Variants in ADAM7 observed in about 807,000 individuals in gnomAD.
ADAM7 encodes the protein disintegrin and metalloproteinase domain-containing protein 7.
ADAM7 carries 97 observed loss-of-function variants against 102.9 expected under a neutral mutation model. The observed-to-expected ratio is 0.94, with a 90% CI of 0.80 to 1.12. ADAM7 has a LOEUF of 1.12. Ranked by LOEUF, ADAM7 falls within the 50% of genes most tolerant of loss-of-function variation. The probability of loss-of-function intolerance (pLI) is 0.00; values close to 1 mark genes in which losing one functional copy is unlikely to be tolerated. For synonymous variants in ADAM7, 334 were observed against 304.4 expected (o/e 1.10, Z -1.01); for missense variants, 991 against 908.7 (o/e 1.09, Z -1.16).
chr8:24,496,190 C>G (rs1820546067), intron 16 of ADAM7, among the ~76,000 whole-genome samples: 1 of 152,170 alleles, frequency 6.6e-6, no homozygotes, highest in Non-Finnish European at 1.5e-5. Flanking sequence ...GCCTTGGCAG[C>G]CTTCATGTGG....
chr8:24,485,522 T>C (rs1430136476), intron 10 of ADAM7, among the ~76,000 whole-genome samples, 161 bp downstream of exon 10: 2 of 152,206 alleles, frequency 1.3e-5, no homozygotes, highest in South Asian at 4.1e-4. Context: ...TGAATAAAAA[T>C]GTTTTATTGA....
chr8:24,489,023 G>A (rs188902347), intron 11 of ADAM7, 136 bp from the exon 12 acceptor site: 3 of 692,596 alleles, frequency 4.3e-6, no homozygotes, highest in Non-Finnish European at 2.2e-6. Context: ...CTATAATAAA[G>A]GACCCAGTTA....
At chr8:24,465,617 C>A (rs1819398235) in intron 4 of ADAM7, 82 bp from the exon 5 acceptor site, 2 of 775,044 alleles carry the variant, frequency 2.6e-6, no homozygotes, top group African/African-American at 1.8e-5. Flanking sequence ...TTGATATATT[C>A]TGAACAGAAA....
intron 3 of ADAM7, among the ~76,000 whole-genome samples, chr8:24,457,520 C>T (rs1819080267): frequency 6.6e-6 from 1 of 152,084 alleles, no homozygotes; most frequent in African/African-American, 2.4e-5. Flanking sequence ...AGGCAATCCA[C>T]CCGCCTTGGC....
chr8:24,469,383 G>C lies in ADAM7; in HGVS notation c.633+563G>C, dbSNP rs553052990. On this transcript the variant is annotated intron_variant, in intron 7 of 21. Transcript: ENST00000175238. ...AAGGGAAATTTTCTGTCTGCCTATA[G>C]CCATGAGCAGGTAAAATGTTACACA... 6.6e-5 allele frequency among the ~76,000 whole-genome samples: 10 copies of C among 152,254 alleles called. No homozygotes were observed. The South Asian group carries it at 1.7e-3, about 25-fold the overall frequency.
At chr8:24,450,412 T>A (rs1179271981) in intron 3 of ADAM7, among the ~76,000 whole-genome samples, 12 of 152,126 alleles carry the variant, frequency 7.9e-5, no homozygotes, top group African/African-American at 2.2e-4. Context: ...CTTTGAAGCA[T>A]TTGTGAATGG....
chr8:24,508,580 G>C lies in ADAM7; in HGVS notation c.*34G>C. ...TTGGATATCCAAAATGGCCGTGCAA[G>C]CTTAGGCTGGGGATTCTGGATGCAA... On this transcript the variant is annotated 3_prime_UTR_variant, in exon 22 of 22. Coordinates refer to ENST00000175238, the MANE Select transcript of ADAM7 (RefSeq NM_003817.4). 2.5e-6 allele frequency: 4 copies of C among 1,613,366 alleles called. No homozygotes were observed. Among genetic ancestry groups the C allele is most frequent in the Non-Finnish European group, 2.5e-6 (3 of 1,179,574 alleles).
chr8:24,457,628 A>T (rs778536525), intron 3 of ADAM7, among the ~76,000 whole-genome samples: 21 of 152,154 alleles, frequency 1.4e-4, no homozygotes, highest in Non-Finnish European at 7.4e-5. Flanking sequence ...CCTGTCTGTG[A>T]CCTTTTAATT....
chr8:24,500,267 TAAAAC>T lies in ADAM7; in HGVS notation c.2002+16_2002+20del, dbSNP rs1820711276. On this transcript the variant is annotated intron_variant, in intron 18 of 21. Transcript: ENST00000175238. The stretch of plus-strand genomic sequence containing the variant: ...CCTTACATGTTACCAGTGAGCATCC[TAAAAC>T]AAAATCTTTCATATATCAAAAGCCT... 6.3e-7 allele frequency: 1 copy of T among 1,597,210 alleles called. No individual in the cohort carries two copies. Among genetic ancestry groups the T allele is most frequent in the Non-Finnish European group, 8.6e-7 (1 of 1,167,018 alleles).
chr8:24,441,079 T>G lies in ADAM7; in HGVS notation c.-30T>G, dbSNP rs147593016. 8.7e-4 allele frequency: 1,403 copies of G among 1,605,928 alleles called. 7 individuals are homozygous for G. In the African/African-American group the frequency reaches 0.017, roughly 19 times the overall value. Reference sequence around the variant, plus strand: ...AAGGTGAACTCCTTTTCTCAAGCACTTCTGCTCTCCTCTACCAGAATCACT... The same window carrying G: ...AAGGTGAACTCCTTTTCTCAAGCACGTCTGCTCTCCTCTACCAGAATCACT... On this transcript the variant is annotated 5_prime_UTR_variant, in exon 1 of 22. Coordinates refer to ENST00000175238, the MANE Select transcript of ADAM7 (RefSeq NM_003817.4).
intron 19 of ADAM7, 52 bp from the exon 20 acceptor site, chr8:24,501,425 C>G: frequency 7.6e-7 from 1 of 1,318,754 alleles, no homozygotes; most frequent in Non-Finnish European, 1.1e-6. Flanking sequence ...AAATAAATAA[C>G]CTGAATAGCC....
At chr8:24,490,479 C>T (rs1044980125) in intron 12 of ADAM7, 2 of 199,536 alleles carry the variant, frequency 1.0e-5, no homozygotes, top group Non-Finnish European at 2.0e-5. Flanking sequence ...TCTCACATCA[C>T]ACTTCAGTAC....
chr8:24,486,217 G>T (rs1206737533), intron 10 of ADAM7, among the ~76,000 whole-genome samples: 1 of 152,054 alleles, frequency 6.6e-6, no homozygotes, highest in Non-Finnish European at 1.5e-5. Context: ...ACCAAATTAG[G>T]TATGTTTTAT....
At chr8:24,447,755 G>T (rs1818616649) in intron 3 of ADAM7, among the ~76,000 whole-genome samples, 1 of 152,100 alleles carries the variant, frequency 6.6e-6, no homozygotes, top group Non-Finnish European at 1.5e-5. Context: ...TCAAAAGAAT[G>T]TCTATTGTTG....
At position 24,509,431 on chromosome 8, in the gene ADAM7, C is replaced by A; in HGVS notation, c.*885C>A. The A allele has an allele frequency of 1.0e-6, 1 of 985,300 alleles. No homozygotes were observed. Among genetic ancestry groups the A allele is most frequent in the Non-Finnish European group, 1.2e-6 (1 of 829,882 alleles). 61.0% of individuals were successfully genotyped at this position (985,300 alleles called of 1,614,324 possible). On this transcript the variant is annotated 3_prime_UTR_variant, in exon 22 of 22. Transcript: ENST00000175238. Reference sequence around the variant, plus strand: ...GCCTCTCAAGGTGTTCTTTTGTGTCCTCTATTTTCTTCTTGTGAACTGTTA... The same window carrying A: ...GCCTCTCAAGGTGTTCTTTTGTGTCATCTATTTTCTTCTTGTGAACTGTTA...
rs1231061022 is a variant in ADAM7 at position 24,490,591 on chromosome 8, T to C, written c.1267-208T>C. On this transcript the variant is annotated intron_variant, in intron 12 of 21. Coordinates refer to ENST00000175238, the MANE Select transcript of ADAM7 (RefSeq NM_003817.4). ...TCTGTCAATGAGAATCCATTACCCG[T>C]AATGTACCAAACAGCACGAGAGAAG... The C allele has an allele frequency of 9.4e-6, 5 of 530,112 alleles. No individual in the cohort carries two copies. The Admixed American group carries it at 1.7e-4, about 18-fold the overall frequency. The allele number at this position is 530,112 out of a possible 1,614,324, so 32.8% of individuals were successfully genotyped here. A position where few individuals can be genotyped will look rare whatever the true frequency, so the allele number is the denominator to read the frequency against.
At chr8:24,483,695 A>T (rs1215339022) in intron 9 of ADAM7, among the ~76,000 whole-genome samples, 1 of 152,204 alleles carries the variant, frequency 6.6e-6, no homozygotes, top group East Asian at 1.9e-4. Flanking sequence ...ATGCATTAGC[A>T]TGCCCCAAAA....
intron 20 of ADAM7, among the ~76,000 whole-genome samples, chr8:24,505,133 G>A (rs143241275): frequency 1.3e-5 from 2 of 152,118 alleles, no homozygotes; most frequent in East Asian, 1.9e-4. Flanking sequence ...TTTAATCTAC[G>A]ATGCCTCATG....
chr8:24,503,754 T>C (rs2129397208), intron 20 of ADAM7, among the ~76,000 whole-genome samples: 1 of 152,190 alleles, frequency 6.6e-6, no homozygotes, highest in Middle Eastern at 3.4e-3. Flanking sequence ...GAAACCATCA[T>C]TTGCAGCAAA....
Sources: gnomAD v4.1 joint callset for allele counts (sites outside exome capture counted in the v4.1 genomes callset) on GRCh38, gnomAD v4.1.1 for gene constraint, MANE v1.5 for transcripts, NCBI Gene and HGNC (gene_info 2026-07-23, HGNC 2026-07-21) for gene names.